SOBP: variants seen among roughly 807,000 people sequenced by gnomAD.
SOBP encodes sine oculis-binding protein homolog.
In SOBP, 4 loss-of-function variants were observed where a neutral mutation model predicts 53.6. The observed-to-expected ratio is 0.07, with a 90% CI of 0.04 to 0.17. The LOEUF is 0.17. Among genes scored for constraint, SOBP ranks in the 10% least tolerant of loss-of-function variants. The probability of loss-of-function intolerance (pLI) is 1.00; values close to 1 mark genes in which losing one functional copy is unlikely to be tolerated. For synonymous variants in SOBP, 584 were observed against 522.6 expected (o/e 1.12, Z -1.60); for missense variants, 1,088 against 1,204.7 (o/e 0.90, Z 1.43).
intron 4 of SOBP, chr6:107,558,054 G>A (rs1784665846): frequency 1.3e-5 from 2 of 152,008 alleles, no homozygotes. Flanking sequence ...TGAGACTGAT[G>A]TGAAAAAAAT....
intron 5 of SOBP, among the ~76,000 whole-genome samples, chr6:107,615,950 A>G (rs968050714): frequency 6.6e-6 from 1 of 151,356 alleles, no homozygotes; most frequent in Non-Finnish European, 1.5e-5. Context: ...TGAGCCCAGG[A>G]GATCAAGGCT....
intron 4 of SOBP, among the ~76,000 whole-genome samples, chr6:107,556,134 G>A (rs1447896630): frequency 1.3e-5 from 2 of 152,204 alleles, no homozygotes; most frequent in African/African-American, 4.8e-5. Context: ...GCAAGTTGCA[G>A]AAACCAGATC....
chr6:107,497,115 A>G (rs1782721935), intron 1 of SOBP, among the ~76,000 whole-genome samples: 1 of 152,244 alleles, frequency 6.6e-6, no homozygotes, highest in Non-Finnish European at 1.5e-5. Context: ...CCTGATAGAT[A>G]TCTACTCCAG....
chr6:107,607,535 A>G (rs1786430444), intron 5 of SOBP, among the ~76,000 whole-genome samples: 1 of 152,090 alleles, frequency 6.6e-6, no homozygotes, highest in East Asian at 1.9e-4. Context: ...ACTTTTTCTT[A>G]CGCATTTGGC....
intron 5 of SOBP, among the ~76,000 whole-genome samples, chr6:107,599,880 T>C (rs548058518): frequency 6.6e-6 from 1 of 152,180 alleles, no homozygotes; most frequent in African/African-American, 2.4e-5. Flanking sequence ...GTTGTAAACA[T>C]GAACAAACAA....
intron 3 of SOBP, among the ~76,000 whole-genome samples, chr6:107,527,678 G>A (rs1783703371): frequency 6.6e-6 from 1 of 152,114 alleles, no homozygotes; most frequent in Non-Finnish European, 1.5e-5. Context: ...AACTAGAAGG[G>A]GCAATATTAG....
intron 5 of SOBP, among the ~76,000 whole-genome samples, chr6:107,589,487 G>A (rs924082854): frequency 7.2e-5 from 11 of 152,102 alleles, no homozygotes; most frequent in Admixed American, 3.3e-4. Flanking sequence ...ATCGATGCCC[G>A]GAATACACAA....
At chr6:107,608,993 A>G (rs1786491961) in intron 5 of SOBP, among the ~76,000 whole-genome samples, 1 of 152,274 alleles carries the variant, frequency 6.6e-6, no homozygotes, top group African/African-American at 2.4e-5. Context: ...TACCAAAGAA[A>G]AATCTAGGGA....
chr6:107,621,086 G>A, intron 5 of SOBP: 1 of 722,548 alleles, frequency 1.4e-6, no homozygotes. Context: ...CTGCTTGTCT[G>A]TTTACAGATT....
intron 1 of SOBP, among the ~76,000 whole-genome samples, chr6:107,500,074 A>G (rs556948363): frequency 1.4e-4 from 22 of 152,328 alleles, no homozygotes; most frequent in Admixed American, 1.3e-3. Context: ...TAGGCCATAA[A>G]CATTAAATTC....
chr6:107,528,372 T>C (rs1391378360), intron 3 of SOBP, among the ~76,000 whole-genome samples: 1 of 152,206 alleles, frequency 6.6e-6, no homozygotes, highest in Non-Finnish European at 1.5e-5. Flanking sequence ...GCCAGTCTTA[T>C]CCATGTTCTG....
chr6:107,653,825 A>T (rs1306069461), intron 6 of SOBP, among the ~76,000 whole-genome samples: 1 of 152,170 alleles, frequency 6.6e-6, no homozygotes, highest in Non-Finnish European at 1.5e-5. Flanking sequence ...TACTTTTGGG[A>T]GTGGTTGCCT....
At chr6:107,630,375 T>G (rs1434167266) in intron 5 of SOBP, among the ~76,000 whole-genome samples, 1 of 152,206 alleles carries the variant, frequency 6.6e-6, no homozygotes, top group Non-Finnish European at 1.5e-5. Flanking sequence ...TTCCTGGATA[T>G]GCAAATGTTG....
intron 3 of SOBP, among the ~76,000 whole-genome samples, chr6:107,507,930 G>T (rs959905932): frequency 2.6e-5 from 4 of 152,016 alleles, no homozygotes; most frequent in Non-Finnish European, 5.9e-5. Context: ...TTGCAAGCTG[G>T]GCTATATATT....
At chr6:107,639,127 T>G (rs1771196011) in intron 6 of SOBP, among the ~76,000 whole-genome samples, 1 of 152,176 alleles carries the variant, frequency 6.6e-6, no homozygotes, top group Admixed American at 6.5e-5. Context: ...GGTCTCAAAC[T>G]CCTGACCTCA....
At chr6:107,645,061 G>T (rs1013769644) in intron 6 of SOBP, among the ~76,000 whole-genome samples, 1 of 151,226 alleles carries the variant, frequency 6.6e-6, no homozygotes, top group Non-Finnish European at 1.5e-5. Context: ...GAAGATGAGG[G>T]CTACTGGTTC....
intron 3 of SOBP, among the ~76,000 whole-genome samples, chr6:107,518,295 C>T (rs373171850): frequency 5.9e-5 from 9 of 152,022 alleles, no homozygotes; most frequent in Admixed American, 2.6e-4. Context: ...AGTGAGAGAC[C>T]GGTAAACACA....
In SOBP at chr6:107,638,271, C is replaced by T. The variant is rs185638780; in HGVS notation, c.*3+2802C>T. Among the ~76,000 whole-genome samples, 922 of 152,288 alleles carry T rather than the reference C, an allele frequency of 6.1e-3. 7 individuals are homozygous for T. The highest frequency in any genetic ancestry group is 0.02 in the South Asian group (97 of 4,830). ...TGTCACCCAGGCTGGAGCGCAGTGG[C>T]GCGACCTTGGCTCACTGCAACCTCG... On this transcript the variant is annotated intron_variant, in intron 6 of 6. Transcript: ENST00000317357.
chr6:107,615,116 G>A (rs947498383), intron 5 of SOBP, among the ~76,000 whole-genome samples: 3 of 152,134 alleles, frequency 2.0e-5, no homozygotes, highest in Admixed American at 6.6e-5. Flanking sequence ...TGGAGCCTGC[G>A]GCACCCATGG....
Sources: allele counts gnomAD v4.1 joint callset (sites outside exome capture counted in the v4.1 genomes callset), GRCh38; gene constraint gnomAD v4.1.1; transcripts MANE v1.5; gene names NCBI Gene and HGNC (gene_info 2026-07-23, HGNC 2026-07-21).